STX4: variants seen among roughly 807,000 people sequenced by gnomAD.
STX4 encodes syntaxin-4.
Under a neutral mutation model 41.8 loss-of-function variants are expected in STX4, and 24 were observed. The observed-to-expected ratio is 0.57, with a 90% CI of 0.42 to 0.81. The LOEUF (loss-of-function observed/expected upper bound fraction) is 0.81, where lower values mean the gene tolerates loss of function less well. STX4 is among the 30% of genes least tolerant of loss of function. The pLI is 0.00. For synonymous variants in STX4, 158 were observed against 156.4 expected (o/e 1.01, Z -0.08); for missense variants, 316 against 389.9 (o/e 0.81, Z 1.60).
At chr16:31,038,306 G>A (rs1372558234) in intron 7 of STX4, 116 bp downstream of exon 7, 8 of 1,425,346 alleles carry the variant, frequency 5.6e-6, no homozygotes, top group Non-Finnish European at 7.8e-6. Flanking sequence ...CGAGTAGCTG[G>A]GACTATAGGT....
Position 31,038,333 on chromosome 16 carries a change from C to T in STX4, c.564+143C>T, listed in dbSNP as rs556340060. 1.7e-5 allele frequency: 22 copies of T among 1,310,176 alleles called. No individual in the cohort carries two copies. The Admixed American group carries it at 2.9e-4, about 17-fold the overall frequency. The allele number at this position is 1,310,176 out of a possible 1,614,324, so 81.2% of individuals were successfully genotyped here. On this transcript the variant is annotated intron_variant, in intron 7 of 10. Transcript: ENST00000313843. ...ACTATAGGTGCAAGCCACTGCACCC[C>T]GCTTGCTGTGGCCCTTTCTGATTAA...
At chr16:31,037,063 C>CCCCA (rs138853435) in intron 5 of STX4, among the ~76,000 whole-genome samples, 1 of 145,064 alleles carries the variant, frequency 6.9e-6, no homozygotes, top group Non-Finnish European at 1.5e-5. Context: ...GACCCCCCCC[C>CCCCA]CTTTTTTTTT....
At chr16:31,038,683 G>C (rs1433042053) in intron 8 of STX4, 36 bp downstream of exon 8, 2 of 1,606,136 alleles carry the variant, frequency 1.2e-6, no homozygotes, top group Non-Finnish European at 1.7e-6. Flanking sequence ...GTGAGACCAG[G>C]CTCAGTCCAA....
chr16:31,035,138 G>GTCCATTTGGAAAAGTCA, intron 5 of STX4, 98 bp downstream of exon 5: 1 of 926,710 alleles, frequency 1.1e-6, no homozygotes, highest in Non-Finnish European at 1.6e-6. Flanking sequence ...AGATCATGGA[G>GTCCATTTGGAAAAGTCA]TCCAATTGGA....
rs1488866019 is a variant in STX4, at chr16:31,039,613, G to T, written c.775G>T (p.Val259Phe). ...ADYVERGQEH[V>F]KTALENQKKA... ...CTACGTGGAACGTGGGCAGGAGCAC[G>T]TCAAGACGGCCCTGGAGAACCAGAA... Residue 259 changes from valine to phenylalanine, a missense_variant, in exon 9 of 11, where the codon GTC becomes TTC. Transcript: ENST00000313843. The surrounding 1 kb of genome is among the most constrained non-coding windows in gnomAD (Gnocchi z 4.1). 1 of 1,614,048 alleles carries T rather than the reference G, an allele frequency of 6.2e-7. No homozygotes were observed. The highest frequency in any genetic ancestry group is 2.2e-5 in the East Asian group (1 of 44,900).
chr16:31,034,761 C>A, intron 4 of STX4: 1 of 679,004 alleles, frequency 1.5e-6, no homozygotes, highest in Non-Finnish European at 2.4e-6. Flanking sequence ...ACACAGTTAT[C>A]GCTGCCCACT....
Position 31,040,068 on chromosome 16 carries a change from C to T in STX4, c.*172C>T, listed in dbSNP as rs943743432. 3 of 550,216 alleles carry T rather than the reference C, an allele frequency of 5.5e-6. No individual in the cohort carries two copies. The highest frequency in any genetic ancestry group is 9.8e-6 in the Non-Finnish European group (3 of 305,740). The allele number at this position is 550,216 out of a possible 1,614,324, so 34.1% of individuals were successfully genotyped here. On this transcript the variant is annotated 3_prime_UTR_variant, in exon 11 of 11. Transcript: ENST00000313843. ...GGCAGCTGCTCATTCATGATGGCCT[C>T]CTCCTTCAGGCCTCAATGCCTGGGG...
Position 31,034,099 on chromosome 16 carries a change from G to A in STX4, c.117G>A (p.Glu39=). The change falls in exon 2 of 11, where the codon GAG becomes GAA. Residue 39 remains glutamate (E), a synonymous_variant. Transcript: ENST00000313843. ...PGTARLGSPD[E]EFFHKVRTIR... ...CGGCACGGCTGGGGAGCCCGGACGA[G>A]GAGTTCTTCCACAAGGTAAGGGGCT... is the stretch of plus-strand genomic sequence containing the variant. 3.1e-6 allele frequency: 5 copies of A among 1,609,000 alleles called. No individual in the cohort carries two copies. Among genetic ancestry groups the A allele is most frequent in the Non-Finnish European group, 4.2e-6 (5 of 1,176,858 alleles).
In STX4 at chr16:31,034,650, G is replaced by A; in HGVS notation, c.307+114G>A. ...GTGATATATCCAGGTCACACAGCAG[G>A]CCTGGGTCTAGCATCTGTCTCCTGG... On this transcript the variant is annotated intron_variant, in intron 4 of 10. Transcript: ENST00000313843. The A allele has an allele frequency of 3.3e-6, 4 of 1,220,908 alleles. No individual in the cohort carries two copies. In the East Asian group the frequency reaches 7.8e-5, roughly 24 times the overall value. The allele number at this position is 1,220,908 out of a possible 1,614,324, so 75.6% of individuals were successfully genotyped here.
At position 31,033,963 on chromosome 16, in the gene STX4, G is replaced by T; in HGVS notation, c.31-50G>T. 6.6e-7 allele frequency: 1 copy of T among 1,512,016 alleles called. No homozygotes were observed. Among genetic ancestry groups the T allele is most frequent in the Admixed American group, 2.3e-5 (1 of 43,910 alleles). The allele number at this position is 1,512,016 out of a possible 1,614,324, so 93.7% of individuals were successfully genotyped here. Reference sequence around the variant, plus strand: ...GTCCCGGAAGCCTGTGGGTCCTGCGGGGTAAGAGCCGCAGCGAAACGGTGG... The same window carrying T: ...GTCCCGGAAGCCTGTGGGTCCTGCGTGGTAAGAGCCGCAGCGAAACGGTGG... On this transcript the variant is annotated intron_variant, in intron 1 of 10. Coordinates refer to ENST00000313843, the MANE Select transcript of STX4 (RefSeq NM_004604.5). This position sits in a 1 kb window ranked among gnomAD's most constrained non-coding sequence, Gnocchi z 5.5.
chr16:31,038,321 G>A, intron 7 of STX4, 131 bp downstream of exon 7: 1 of 1,338,672 alleles, frequency 7.5e-7, no homozygotes, highest in East Asian at 2.4e-5. Context: ...ATAGGTGCAA[G>A]CCACTGCACC....
At chr16:31,034,845 T>C (rs944658727) in intron 4 of STX4, 125 bp from the exon 5 acceptor site, 2 of 922,896 alleles carry the variant, frequency 2.2e-6, no homozygotes, top group Non-Finnish European at 3.2e-6. Flanking sequence ...AGTGATGTAA[T>C]GCAAAGAAAA....
Position 31,040,057 on chromosome 16 carries a change from C to T in STX4, c.*161C>T. 1.8e-6 allele frequency: 1 copy of T among 563,550 alleles called. No individual in the cohort carries two copies. The highest frequency in any genetic ancestry group is 3.2e-6 in the Non-Finnish European group (1 of 314,242). 34.9% of individuals were successfully genotyped at this position (563,550 alleles called of 1,614,324 possible). The stretch of plus-strand genomic sequence containing the variant: ...CTTCTGGGGTTGGCAGCTGCTCATT[C>T]ATGATGGCCTCCTCCTTCAGGCCTC... On this transcript the variant is annotated 3_prime_UTR_variant, in exon 11 of 11. Transcript: ENST00000313843.
At position 31,039,785 on chromosome 16, in the gene STX4, C is replaced by A. The variant is rs191587609; in HGVS notation, c.876C>A (p.Gly292=). Residue 292 remains glycine (G), a synonymous_variant, in exon 10 of 11, where the codon GGC becomes GGA. Coordinates refer to ENST00000313843, the MANE Select transcript of STX4 (RefSeq NM_004604.5). This position sits in a 1 kb window ranked among gnomAD's most constrained non-coding sequence, Gnocchi z 4.1. Reference sequence around the variant, plus strand: ...TCGTCCTCCTAGCAGTCATCATTGGCGTCACAGTGGTTGGATAATGTCGCA... The same window carrying A: ...TCGTCCTCCTAGCAGTCATCATTGGAGTCACAGTGGTTGGATAATGTCGCA... ...ITVVLLAVII[G]VTVVG is the part of the protein sequence containing the mutation. The A allele has an allele frequency of 6.2e-7, 1 of 1,614,066 alleles. No individual in the cohort carries two copies. Among genetic ancestry groups the A allele is most frequent in the Non-Finnish European group, 8.5e-7 (1 of 1,180,036 alleles).
At chr16:31,037,062 C>CCCG (rs1555496667) in intron 5 of STX4, among the ~76,000 whole-genome samples, 3 of 144,880 alleles carry the variant, frequency 2.1e-5, no homozygotes, top group South Asian at 4.5e-4. Context: ...AGACCCCCCC[C>CCCG]CCTTTTTTTT....
upstream of STX4, chr16:31,033,193 G>C (rs1478820535): frequency 1.6e-6 from 1 of 612,034 alleles, no homozygotes; most frequent in African/African-American, 1.8e-5. The surrounding 1 kb of genome is among the most constrained non-coding windows in gnomAD (Gnocchi z 5.5). Flanking sequence ...TGCCGGGGAC[G>C]TCGTGATGAG....
In STX4 at chr16:31,039,033, T is replaced by A. The variant is rs2056824786; in HGVS notation, c.702+386T>A. On this transcript the variant is annotated intron_variant, in intron 8 of 10. Coordinates refer to ENST00000313843, the MANE Select transcript of STX4 (RefSeq NM_004604.5). The surrounding 1 kb of genome is among the most constrained non-coding windows in gnomAD (Gnocchi z 4.1). ...GGGGCGGCGTTCCCCTGGCCCTGGT[T>A]GTGAGTTGAGTTGAGCTTCCAGCCC... 4.1e-6 allele frequency: 1 copy of A among 241,164 alleles called. No homozygotes were observed. The highest frequency in any genetic ancestry group is 8.2e-6 in the Non-Finnish European group (1 of 121,330). 14.9% of individuals were successfully genotyped at this position (241,164 alleles called of 1,614,324 possible). A position where few individuals can be genotyped will look rare whatever the true frequency, so the allele number is the denominator to read the frequency against.
At position 31,034,972 on chromosome 16, in the gene STX4, A is replaced by G. The variant is rs1216536490; in HGVS notation, c.310A>G (p.Ile104Val). ...AATACCCCTGTGTCTTCCCACAGCC[A>G]TAGAGCCCCAGAAGGAGGAAGCTGA... ...GREIRLQLKA[I>V]EPQKEEADEN... Residue 104 changes from isoleucine to valine, a missense_variant and splice_region_variant, in exon 5 of 11, where the codon ATA becomes GTA. Ile to Val is a conservative substitution (Grantham distance 29, BLOSUM62 3). Coordinates refer to ENST00000313843, the MANE Select transcript of STX4 (RefSeq NM_004604.5). The G allele has an allele frequency of 1.2e-6, 2 of 1,606,472 alleles. No individual in the cohort carries two copies. Among genetic ancestry groups the G allele is most frequent in the Non-Finnish European group, 1.7e-6 (2 of 1,177,574 alleles).
At position 31,038,010 on chromosome 16, in the gene STX4, C is replaced by T. The variant is rs755136571; in HGVS notation, c.463C>T (p.Arg155Trp). 6 of 1,614,022 alleles carry T rather than the reference C, an allele frequency of 3.7e-6. No homozygotes were observed. The highest frequency in any genetic ancestry group is 2.7e-5 in the African/African-American group (2 of 74,920). ...QSEYREKNVE[R>W]IRRQLKITNA... ...CGAATACCGGGAGAAGAACGTGGAG[C>T]GGATTCGGAGGCAGCTGAAGATCAG... Residue 155 changes from arginine to tryptophan, a missense_variant, in exon 6 of 11, where the codon CGG becomes TGG. Physicochemically the swap from Arg to Trp is moderately radical, Grantham distance 101. Transcript: ENST00000313843.
Sources: gnomAD v4.1 joint callset for allele counts (sites outside exome capture counted in the v4.1 genomes callset) on GRCh38, gnomAD v4.1.1 for gene constraint, Gnocchi (gnomAD v3.1) non-coding constraint, MANE v1.5 for transcripts, NCBI Gene and HGNC (gene_info 2026-07-23, HGNC 2026-07-21) for gene names.